Variants in CNGB1 observed in about 807,000 individuals in gnomAD.
CNGB1 encodes the protein cyclic nucleotide gated channel subunit beta 1, also known as cyclic nucleotide-gated channel beta-1.
A neutral mutation model predicts 151.7 loss-of-function variants in CNGB1; 126 were observed. That is an observed-to-expected ratio of 0.83 (90% confidence interval 0.72 to 0.96). CNGB1 has a LOEUF of 0.96. Among genes scored for constraint, CNGB1 ranks in the 40% least tolerant of loss-of-function variants. CNGB1 has a pLI of 0.00. For synonymous variants in CNGB1, 623 were observed against 635.1 expected, an observed-to-expected ratio of 0.98 and a Z score of 0.29; for missense variants, 1,698 against 1,627.0, an observed-to-expected ratio of 1.04 and a Z score of -0.75.
intron 16 of CNGB1, among the ~76,000 whole-genome samples, chr16:57,936,216 A>G (rs898449380): frequency 6.6e-6 from 1 of 152,248 alleles, no homozygotes; most frequent in Admixed American, 6.5e-5. Flanking sequence ...CCTCCACCCT[A>G]GCCTCTGAGG....
chr16:57,886,770 T>G (rs774292048), intron 32 of CNGB1, among the ~76,000 whole-genome samples: 85 of 152,342 alleles, frequency 5.6e-4, no homozygotes, highest in Non-Finnish European at 9.8e-4. Flanking sequence ...TTCTTGGCTT[T>G]GGTCACAGAA....
rs565361370 is a variant in CNGB1 at position 57,956,836 on chromosome 16, C to T, written c.874+505G>A. On this transcript the variant is annotated intron_variant, in intron 12 of 32. Transcript: ENST00000251102. ...CTTCCTGGTCTCAGTCCTCTGTCCC[C>T]GATTCCTGGCTCAGGGCTGGGATAA... 1.6e-4 allele frequency among the ~76,000 whole-genome samples: 25 copies of T among 152,308 alleles called. No individual in the cohort carries two copies. In the South Asian group the frequency reaches 4.6e-3, roughly 28 times the overall value.
intron 32 of CNGB1, among the ~76,000 whole-genome samples, chr16:57,886,440 G>A (rs1460513477): frequency 6.6e-6 from 1 of 152,172 alleles, no homozygotes; most frequent in African/African-American, 2.4e-5. Context: ...GCTCCACCTT[G>A]ACCTTGACAG....
At chr16:57,965,170 C>T (rs1334432976) in intron 2 of CNGB1, among the ~76,000 whole-genome samples, 4 of 152,184 alleles carry the variant, frequency 2.6e-5, no homozygotes, top group African/African-American at 4.8e-5. Context: ...ACAATGTGAG[C>T]ATATATACAC....
At chr16:57,949,057 C>T (rs1381525638) in intron 14 of CNGB1, among the ~76,000 whole-genome samples, 1 of 151,958 alleles carries the variant, frequency 6.6e-6, no homozygotes, top group African/African-American at 2.4e-5. Context: ...AGGCACTGTT[C>T]TAGGCTCTAG....
Position 57,931,721 on chromosome 16 carries a change from T to C in CNGB1, c.1530A>G (p.Thr510=). Residue 510 remains threonine (T), a synonymous_variant, in exon 17 of 33, where the codon ACA becomes ACG. Coordinates refer to ENST00000251102, the MANE Select transcript of CNGB1 (RefSeq NM_001297.5). ...TLIVPSSASG[T]HRKKLPSEDD... The stretch of plus-strand genomic sequence containing the variant: ...AGAGAAGCATAAAAGGTAACCTGTG[T>C]GTCCCCGAGGCTGAGCTTGGGACTA... 1 of 1,614,148 alleles carries C rather than the reference T, an allele frequency of 6.2e-7. No individual in the cohort carries two copies. The highest frequency in any genetic ancestry group is 8.5e-7 in the Non-Finnish European group (1 of 1,180,030).
At chr16:57,904,432 C>T (rs992040798) in intron 26 of CNGB1, among the ~76,000 whole-genome samples, 18 of 152,166 alleles carry the variant, frequency 1.2e-4, no homozygotes, top group Admixed American at 5.9e-4. Flanking sequence ...TAAGATGCTG[C>T]CCTGGCACAC....
At chr16:57,918,260 C>A (rs1320276059) in intron 20 of CNGB1, among the ~76,000 whole-genome samples, 1 of 152,046 alleles carries the variant, frequency 6.6e-6, no homozygotes, top group African/African-American at 2.4e-5. Flanking sequence ...CAGGTGTGAG[C>A]CAATGTACCC....
Position 57,897,145 on chromosome 16 carries a change from T to A in CNGB1, c.3242+252A>T, listed in dbSNP as rs116442361. ...TGAGACCCCAGCTCTAGAAAAAAAT[T>A]TTAAAAATTAGCTGGGAATGGTGGT... is the stretch of plus-strand genomic sequence containing the variant. On this transcript the variant is annotated intron_variant, in intron 31 of 32. Coordinates refer to ENST00000251102, the MANE Select transcript of CNGB1 (RefSeq NM_001297.5). Among the ~76,000 whole-genome samples the A allele has an allele frequency of 9.6e-3, 1,456 of 151,706 alleles. 26 individuals carry two copies. Among genetic ancestry groups the A allele is most frequent in the African/African-American group, 0.033 (1,384 of 41,366 alleles).
At chr16:57,956,791 A>T (rs766410933) in intron 12 of CNGB1, among the ~76,000 whole-genome samples, 4 of 152,176 alleles carry the variant, frequency 2.6e-5, no homozygotes, top group African/African-American at 9.7e-5. Flanking sequence ...TGAAGAAAGA[A>T]CAGATCCTGC....
rs199848438 is a variant in CNGB1 at position 57,934,130 on chromosome 16, AGAG to A, written c.1373-2255_1373-2253del. Among the ~76,000 whole-genome samples the A allele has an allele frequency of 3.7e-4, 56 of 152,084 alleles. 1 individual carries two copies. In the East Asian group the frequency reaches 9.3e-3, roughly 25 times the overall value. On this transcript the variant is annotated intron_variant, in intron 16 of 32. Transcript: ENST00000251102. The stretch of plus-strand genomic sequence containing the variant: ...GAGTGAACCCTAAATCCTCTGGAGA[AGAG>A]GATGAGCAGGAATGGAGAAGTTGTT...
chr16:57,924,450 C>G (rs1961130558), intron 17 of CNGB1, among the ~76,000 whole-genome samples: 1 of 152,146 alleles, frequency 6.6e-6, no homozygotes, highest in African/African-American at 2.4e-5. Flanking sequence ...TTTCATATGT[C>G]CATGAATGAA....
chr16:57,970,493 G>A (rs552657163), intron 1 of CNGB1, among the ~76,000 whole-genome samples: 2 of 152,322 alleles, frequency 1.3e-5, no homozygotes, highest in South Asian at 2.1e-4. Flanking sequence ...AGGTCTGCCC[G>A]ATTCCAGCTG....
chr16:57,936,975 C>G (rs1961528677), intron 16 of CNGB1: 1 of 152,242 alleles, frequency 6.6e-6, no homozygotes, highest in Non-Finnish European at 1.5e-5. Context: ...AGATGGTTTT[C>G]CATAAGCAAC....
At chr16:57,891,680 C>T (rs1032168863) in intron 31 of CNGB1, among the ~76,000 whole-genome samples, 45 of 152,062 alleles carry the variant, frequency 3.0e-4, no homozygotes, top group East Asian at 2.5e-3. Flanking sequence ...CCTCAGCCTC[C>T]CGGGTAGCTG....
rs58470336 is a variant in CNGB1, at chr16:57,948,316, CT to C, written c.1121+1036del. The stretch of plus-strand genomic sequence containing the variant: ...GCAGTCCTTCTTTCTTCTTCTTCTT[CT>C]TTTTTTTTTTTTTTTTAAGTAGAGA... On this transcript the variant is annotated intron_variant, in intron 14 of 32. Coordinates refer to ENST00000251102, the MANE Select transcript of CNGB1 (RefSeq NM_001297.5). Among the ~76,000 whole-genome samples the C allele has an allele frequency of 4.9e-3, 666 of 136,544 alleles. 7 individuals are homozygous for C. Among genetic ancestry groups the C allele is most frequent in the Admixed American group, 0.011 (151 of 13,656 alleles). 89.6% of individuals were successfully genotyped at this position (136,544 alleles called of 152,430 possible). A position where few individuals can be genotyped will look rare whatever the true frequency, so the allele number is the denominator to read the frequency against.
In CNGB1 at chr16:57,950,385, G is replaced by T; in HGVS notation, c.1030C>A (p.Pro344Thr). The T allele has an allele frequency of 1.2e-6, 2 of 1,614,180 alleles. No individual in the cohort carries two copies. Among genetic ancestry groups the T allele is most frequent in the Non-Finnish European group, 1.7e-6 (2 of 1,180,032 alleles). The change falls in exon 13 of 33, where the codon CCC becomes ACC. Residue 344 changes from proline to threonine, a missense_variant. Coordinates refer to ENST00000251102, the MANE Select transcript of CNGB1 (RefSeq NM_001297.5). The stretch of plus-strand genomic sequence containing the variant: ...GGGTCTTCTCAGACTCCCCACCTGG[G>T]CATCTTCTCCACAGCTTTGTTCTCT... Reference protein sequence around the residue: ...EEENKAVEKMPRELSRIEEEK... With the variant: ...EEENKAVEKMTRELSRIEEEK...
intron 9 of CNGB1, 120 bp from the exon 10 acceptor site, chr16:57,960,185 CCA>C: frequency 6.8e-7 from 1 of 1,481,270 alleles, no homozygotes; most frequent in Non-Finnish European, 9.0e-7. Flanking sequence ...CCCTTTGGGA[CCA>C]CCTCACCCAT....
intron 27 of CNGB1, among the ~76,000 whole-genome samples, chr16:57,902,921 A>T: frequency 6.6e-6 from 1 of 152,198 alleles, no homozygotes; most frequent in Admixed American, 6.5e-5. Context: ...CCCCTAAGCA[A>T]CCCAAGAGGT....
Sources: gnomAD v4.1 joint callset for allele counts (sites outside exome capture counted in the v4.1 genomes callset) on GRCh38, gnomAD v4.1.1 for gene constraint, MANE v1.5 for transcripts, NCBI Gene and HGNC (gene_info 2026-07-23, HGNC 2026-07-21) for gene names.